NUBPL: variants seen among roughly 807,000 people sequenced by gnomAD.
NUBPL encodes the protein iron-sulfur cluster transfer protein NUBPL.
In NUBPL, 31 loss-of-function variants were observed where a neutral mutation model predicts 45.7. The observed-to-expected ratio is 0.68, with a 90% CI of 0.51 to 0.92. The LOEUF is 0.92. NUBPL is among the 40% of genes least tolerant of loss of function. The pLI, the probability that NUBPL is intolerant of heterozygous loss-of-function variation, is 0.00. For missense variants in NUBPL, 401 were observed against 398.7 expected, an observed-to-expected ratio of 1.01 and a Z score of -0.05; for synonymous variants, 144 against 140.9, an observed-to-expected ratio of 1.02 and a Z score of -0.15.
chr14:31,809,803 T>C (rs1163903532), intron 7 of NUBPL, among the ~76,000 whole-genome samples: 1 of 152,134 alleles, frequency 6.6e-6, no homozygotes, highest in African/African-American at 2.4e-5. Flanking sequence ...TCCCAGAGAT[T>C]CTGGTACGTT....
At chr14:31,617,614 C>G (rs568916289) in intron 4 of NUBPL, among the ~76,000 whole-genome samples, 3 of 152,190 alleles carry the variant, frequency 2.0e-5, no homozygotes, top group Non-Finnish European at 4.4e-5. Context: ...CCTTGCATCT[C>G]AGGGATGAAG....
At chr14:31,574,073 G>A (rs2033656545) in intron 3 of NUBPL, among the ~76,000 whole-genome samples, 1 of 152,064 alleles carries the variant, frequency 6.6e-6, no homozygotes, top group African/African-American at 2.4e-5. Context: ...CTATAGTTTT[G>A]TTCAATACAT....
At chr14:31,655,814 T>A (rs1175770412) in intron 4 of NUBPL, among the ~76,000 whole-genome samples, 3 of 152,218 alleles carry the variant, frequency 2.0e-5, no homozygotes, top group African/African-American at 7.2e-5. Context: ...TTGAGAGCCC[T>A]TGTATTTTCA....
chr14:31,798,791 CAAAAAAAAAAAAAAAA>C (rs1164176250), intron 7 of NUBPL, among the ~76,000 whole-genome samples: 1 of 53,504 alleles, frequency 1.9e-5, no homozygotes, highest in East Asian at 6.3e-4. Flanking sequence ...GACTCCGTCT[CAAAAAAAAAAAAAAAA>C]AAAAAAAAAA....
intron 4 of NUBPL, among the ~76,000 whole-genome samples, chr14:31,603,021 A>G (rs577751383): frequency 6.6e-6 from 1 of 152,266 alleles, no homozygotes; most frequent in African/African-American, 2.4e-5. Flanking sequence ...TTATCAAAAA[A>G]TGAATTGGCT....
At chr14:31,608,213 C>T (rs1363079699) in intron 4 of NUBPL, among the ~76,000 whole-genome samples, 1 of 152,150 alleles carries the variant, frequency 6.6e-6, no homozygotes, top group East Asian at 1.9e-4. Flanking sequence ...ATTTTTAACA[C>T]CAGACTTGAG....
Position 31,775,784 on chromosome 14 carries a change from G to A in NUBPL, c.514-11996G>A, listed in dbSNP as rs191020994. Among the ~76,000 whole-genome samples the A allele has an allele frequency of 2.0e-3, 306 of 152,268 alleles. 2 individuals carry two copies. Among genetic ancestry groups the A allele is most frequent in the Non-Finnish European group, 2.5e-3 (173 of 68,020 alleles). ...CTAGACTAACTGAGTCTACCCTGCT[G>A]AAATCCTTTGAGTTTGGAGCCTGAA... On this transcript the variant is annotated intron_variant, in intron 6 of 10. Coordinates refer to ENST00000281081, the MANE Select transcript of NUBPL (RefSeq NM_025152.3).
chr14:31,703,028 A>G (rs776451778), intron 6 of NUBPL: 1 of 152,232 alleles, frequency 6.6e-6, no homozygotes, highest in Non-Finnish European at 1.5e-5. Flanking sequence ...CTCACTGTCT[A>G]CTAGAGATTT....
intron 6 of NUBPL, among the ~76,000 whole-genome samples, chr14:31,745,058 T>TTTTATTTTTATTTTTATG (rs1384208709): frequency 6.6e-6 from 1 of 151,982 alleles, no homozygotes; most frequent in African/African-American, 2.4e-5. Context: ...TTATTTTTAT[T>TTTTATTTTTATTTTTATG]TTTATTATTA....
intron 7 of NUBPL, among the ~76,000 whole-genome samples, chr14:31,807,833 G>C (rs373710304): frequency 1.8e-4 from 28 of 152,046 alleles, no homozygotes; most frequent in South Asian, 4.2e-4. Flanking sequence ...TTTCAGCTTT[G>C]TACATATGGC....
At chr14:31,820,383 A>G (rs2039997094) in intron 7 of NUBPL, among the ~76,000 whole-genome samples, 1 of 152,166 alleles carries the variant, frequency 6.6e-6, no homozygotes, top group African/African-American at 2.4e-5. Flanking sequence ...ACTAATTCAT[A>G]TTGGCTCATG....
intron 2 of NUBPL, 51 bp downstream of exon 2, chr14:31,562,266 C>G (rs1428715910): frequency 6.8e-7 from 1 of 1,468,574 alleles, no homozygotes; most frequent in East Asian, 2.3e-5. Flanking sequence ...TGCCAACAGA[C>G]AAGTGCACAC....
At chr14:31,630,365 T>C (rs2035310593) in intron 4 of NUBPL, among the ~76,000 whole-genome samples, 1 of 152,272 alleles carries the variant, frequency 6.6e-6, no homozygotes, top group Non-Finnish European at 1.5e-5. Context: ...CCCCCACATA[T>C]TTGTTTATTC....
chr14:31,677,481 C>A (rs2036727749), intron 6 of NUBPL, among the ~76,000 whole-genome samples: 2 of 152,148 alleles, frequency 1.3e-5, no homozygotes, highest in Non-Finnish European at 2.9e-5. Flanking sequence ...TTTGAGAGGA[C>A]TTGAGTGTTG....
chr14:31,841,919 T>TTTGTTTTTTTTTTTTG (rs1202169966), intron 8 of NUBPL, among the ~76,000 whole-genome samples: 1 of 87,062 alleles, frequency 1.1e-5, no homozygotes, highest in African/African-American at 4.5e-5. Context: ...ATTCTGGGCT[T>TTTGTTTTTTTTTTTTG]TTTTTTTTTT....
intron 7 of NUBPL, among the ~76,000 whole-genome samples, chr14:31,820,945 A>G (rs188754712): frequency 4.0e-5 from 6 of 151,226 alleles, no homozygotes; most frequent in Non-Finnish European, 8.8e-5. Context: ...ACATGGAGAA[A>G]CCCCATCTCT....
chr14:31,826,593 T>G, intron 7 of NUBPL, 36 bp from the exon 8 acceptor site: 1 of 1,572,718 alleles, frequency 6.4e-7, no homozygotes, highest in Non-Finnish European at 8.8e-7. Flanking sequence ...CCATAGAGAA[T>G]TAAAAGATAA....
intron 6 of NUBPL, among the ~76,000 whole-genome samples, chr14:31,680,814 CTG>C (rs1447821492): frequency 6.6e-6 from 1 of 152,026 alleles, no homozygotes; most frequent in African/African-American, 2.4e-5. Flanking sequence ...CAAGATAAGT[CTG>C]TACATATTCA....
At chr14:31,740,809 C>T (rs1469153159) in intron 6 of NUBPL, among the ~76,000 whole-genome samples, 2 of 152,186 alleles carry the variant, frequency 1.3e-5, no homozygotes, top group East Asian at 3.8e-4. Context: ...CTCATCCCCC[C>T]AGTCTTTTTT....
Sources: gnomAD v4.1 joint callset for allele counts (sites outside exome capture counted in the v4.1 genomes callset) on GRCh38, gnomAD v4.1.1 for gene constraint, MANE v1.5 for transcripts, NCBI Gene and HGNC (gene_info 2026-07-23, HGNC 2026-07-21) for gene names.